The following PTPRG variants were observed in gnomAD, a reference collection of about 807,000 sequenced individuals.
PTPRG encodes receptor-type tyrosine-protein phosphatase gamma.
PTPRG carries 102 observed loss-of-function variants against 165.3 expected under a neutral mutation model. That is an observed-to-expected ratio of 0.62 (90% CI 0.53 to 0.73). PTPRG has a LOEUF of 0.73. Among genes scored for constraint, PTPRG ranks in the 30% least tolerant of loss-of-function variants. The probability of loss-of-function intolerance (pLI) is 0.00; values close to 1 mark genes in which losing one functional copy is unlikely to be tolerated. For synonymous variants in PTPRG, 675 were observed against 669.5 expected, an observed-to-expected ratio of 1.01 and a Z score of -0.13; for missense variants, 1,866 against 1,861.4, an observed-to-expected ratio of 1.00 and a Z score of -0.05.
intron 5 of PTPRG, among the ~76,000 whole-genome samples, chr3:62,125,983 C>T (rs894707309): frequency 6.6e-6 from 1 of 152,180 alleles, no homozygotes; most frequent in African/African-American, 2.4e-5. Flanking sequence ...ATTTGCCAGG[C>T]ACCCCAGCCA....
chr3:62,009,251 G>A (rs1024892778), intron 4 of PTPRG, among the ~76,000 whole-genome samples: 3 of 152,140 alleles, frequency 2.0e-5, no homozygotes, highest in African/African-American at 7.2e-5. Context: ...CATGACACAA[G>A]CAGGTTAAAT....
At chr3:62,017,822 A>G (rs754102713) in intron 4 of PTPRG, among the ~76,000 whole-genome samples, 9 of 152,204 alleles carry the variant, frequency 5.9e-5, no homozygotes, top group Non-Finnish European at 1.2e-4. Context: ...CAATTAGTCA[A>G]TGAGGCCCAC....
intron 1 of PTPRG, among the ~76,000 whole-genome samples, chr3:61,699,919 A>G (rs1270024224): frequency 1.3e-5 from 2 of 152,208 alleles, no homozygotes; most frequent in Admixed American, 1.3e-4. Context: ...TCAACCTCAG[A>G]GTGGCTGCTT....
At chr3:62,177,904 C>G (rs1034953842) in intron 8 of PTPRG, among the ~76,000 whole-genome samples, 1 of 152,164 alleles carries the variant, frequency 6.6e-6, no homozygotes, top group Admixed American at 6.5e-5. Flanking sequence ...TGTGATTTTT[C>G]CCCCTAATAT....
intron 2 of PTPRG, among the ~76,000 whole-genome samples, chr3:61,952,134 A>AT (rs1357697588): frequency 6.6e-6 from 1 of 151,572 alleles, no homozygotes; most frequent in Non-Finnish European, 1.5e-5. Context: ...AAAAAAAAAA[A>AT]AAAAAAAGAC....
chr3:62,074,178 AGAGTGT>A (rs1309431214), intron 4 of PTPRG, among the ~76,000 whole-genome samples: 3,165 of 65,000 alleles, frequency 0.049, 124 homozygotes, highest in African/African-American at 0.14. Context: ...AAAAAAAGTG[AGAGTGT>A]GTGTGTGTGT....
chr3:62,189,252 G>T (rs1426479596), intron 8 of PTPRG, among the ~76,000 whole-genome samples: 1 of 152,130 alleles, frequency 6.6e-6, no homozygotes, highest in African/African-American at 2.4e-5. Flanking sequence ...CTGAACTGGG[G>T]TTTGGCAGTT....
intron 2 of PTPRG, among the ~76,000 whole-genome samples, chr3:61,848,232 A>G (rs2036860214): frequency 1.3e-5 from 2 of 152,194 alleles, no homozygotes; most frequent in South Asian, 2.1e-4. Context: ...ACCTCCCTCC[A>G]TGTTTGCACT....
intron 1 of PTPRG, among the ~76,000 whole-genome samples, chr3:61,632,741 A>G (rs1056016004): frequency 6.6e-6 from 1 of 152,190 alleles, no homozygotes; most frequent in African/African-American, 2.4e-5. Flanking sequence ...TAAGTTGAGC[A>G]TTTCTGACCA....
intron 2 of PTPRG, among the ~76,000 whole-genome samples, chr3:61,876,929 A>G (rs2037757322): frequency 6.6e-6 from 1 of 152,214 alleles, no homozygotes; most frequent in Non-Finnish European, 1.5e-5. Flanking sequence ...GTAGTCTGTA[A>G]CAGAGTGAGG....
At chr3:62,119,169 G>A (rs1397962532) in intron 5 of PTPRG, among the ~76,000 whole-genome samples, 2 of 152,200 alleles carry the variant, frequency 1.3e-5, no homozygotes, top group East Asian at 1.9e-4. Flanking sequence ...TGTGTTACAG[G>A]TGGGTGTGAG....
At chr3:61,934,107 A>AGTG (rs1157887630) in intron 2 of PTPRG, among the ~76,000 whole-genome samples, 2 of 152,188 alleles carry the variant, frequency 1.3e-5, no homozygotes, top group Admixed American at 1.3e-4. Context: ...TTAGACTTTC[A>AGTG]GTGGTGTGGG....
At chr3:62,171,250 A>C (rs1705204144) in intron 8 of PTPRG, among the ~76,000 whole-genome samples, 1 of 152,170 alleles carries the variant, frequency 6.6e-6, no homozygotes, top group East Asian at 1.9e-4. Context: ...ATGTGGATAT[A>C]TCTCTATTGG....
At chr3:61,614,418 C>CTTTTTTTTTTTTTTTTTTTTTTTT (rs550755163) in intron 1 of PTPRG, among the ~76,000 whole-genome samples, 1 of 117,694 alleles carries the variant, frequency 8.5e-6, no homozygotes, top group Non-Finnish European at 1.6e-5. Context: ...TTAATAATAC[C>CTTTTTTTTTTTTTTTTTTTTTTTT]TTTTTTTTTT....
intron 2 of PTPRG, among the ~76,000 whole-genome samples, chr3:61,893,349 C>A (rs2038267308): frequency 6.6e-6 from 1 of 152,122 alleles, no homozygotes; most frequent in South Asian, 2.1e-4. Context: ...ATAAATTGAG[C>A]CCCAGGTACT....
intron 5 of PTPRG, among the ~76,000 whole-genome samples, chr3:62,101,240 T>C (rs1702280412): frequency 6.6e-6 from 1 of 152,186 alleles, no homozygotes; most frequent in Admixed American, 6.5e-5. Flanking sequence ...ACTTAACTAG[T>C]ATCTCAGCAA....
intron 5 of PTPRG, among the ~76,000 whole-genome samples, chr3:62,083,238 A>G (rs893102928): frequency 6.6e-6 from 1 of 151,592 alleles, no homozygotes; most frequent in Non-Finnish European, 1.5e-5. Flanking sequence ...GTGCAATAGT[A>G]ATCGCGGTTT....
At chr3:61,600,898 TG>T (rs1056911999) in intron 1 of PTPRG, among the ~76,000 whole-genome samples, 26 of 152,320 alleles carry the variant, frequency 1.7e-4, no homozygotes, top group African/African-American at 6.3e-4. Context: ...CCTTTAGAAG[TG>T]GAACCTGTTT....
chr3:61,609,965 G>GC (rs1034651318), intron 1 of PTPRG, among the ~76,000 whole-genome samples: 1 of 150,940 alleles, frequency 6.6e-6, no homozygotes, highest in Non-Finnish European at 1.5e-5. Flanking sequence ...TATTAATAAT[G>GC]CAGATAACTT....
Sources: allele counts gnomAD v4.1 joint callset (sites outside exome capture counted in the v4.1 genomes callset), GRCh38; gene constraint gnomAD v4.1.1; transcripts MANE v1.5; gene names NCBI Gene and HGNC (gene_info 2026-07-23, HGNC 2026-07-21).